Variants in CSMD1 observed in about 807,000 individuals in gnomAD.
CSMD1 encodes the protein CUB and sushi domain-containing protein 1.
CSMD1 carries 213 observed loss-of-function variants against 417.5 expected under a neutral mutation model. The ratio of observed to expected loss-of-function variants is 0.51; its 90% CI spans 0.46 to 0.57. CSMD1 has a LOEUF of 0.57. Ranked by LOEUF, CSMD1 falls within the 20% of genes least tolerant of loss-of-function variation. The pLI, the probability that CSMD1 is intolerant of heterozygous loss-of-function variation, is 0.00. For missense variants in CSMD1, 6,923 were observed against 4,529.7 expected (o/e 1.53, Z -15.17); for synonymous variants, 2,862 against 1,736.8 (o/e 1.65, Z -16.11).
At chr8:3,819,094 G>C (rs962847668) in intron 5 of CSMD1, among the ~76,000 whole-genome samples, 1 of 152,188 alleles carries the variant, frequency 6.6e-6, no homozygotes, top group Non-Finnish European at 1.5e-5. Flanking sequence ...GCAGAGTAGA[G>C]AGAAAAGTGT....
At chr8:4,609,019 A>C (rs1184188390) in intron 2 of CSMD1, among the ~76,000 whole-genome samples, 10 of 152,072 alleles carry the variant, frequency 6.6e-5, no homozygotes, top group South Asian at 2.1e-4. Context: ...GTAGAAAAAA[A>C]AAAAAAAAAC....
intron 18 of CSMD1, among the ~76,000 whole-genome samples, chr8:3,381,424 T>C (rs549080980): frequency 1.6e-4 from 25 of 152,338 alleles, no homozygotes; most frequent in Non-Finnish European, 2.5e-4. Context: ...AGTAAAATTA[T>C]TGATACAATT....
At chr8:3,640,775 C>T (rs536948835) in intron 7 of CSMD1, among the ~76,000 whole-genome samples, 3 of 152,126 alleles carry the variant, frequency 2.0e-5, no homozygotes, top group African/African-American at 4.8e-5. Flanking sequence ...TTCACAGCCC[C>T]TGTGTGGGGA....
intron 5 of CSMD1, among the ~76,000 whole-genome samples, chr8:3,827,274 T>A (rs1051458567): frequency 1.3e-5 from 2 of 152,164 alleles, no homozygotes; most frequent in Non-Finnish European, 1.5e-5. Context: ...ATCCTTGCAA[T>A]GTTACATTTG....
rs181220810 is a variant in CSMD1, at chr8:4,177,455, C to G, written c.416-145356G>C. ...AGTGTGTAGAGGGAAACTTATAGCA[C>G]TAAATGTCCACAAGAGAAAGTAGGA... On this transcript the variant is annotated intron_variant, in intron 3 of 69. Transcript: ENST00000635120. Among the ~76,000 whole-genome samples, 456 of 152,082 alleles carry G rather than the reference C, an allele frequency of 3.0e-3. 2 individuals are homozygous for G. The highest frequency in any genetic ancestry group is 6.9e-3 in the Admixed American group (106 of 15,282).
chr8:4,363,218 G>GA (rs1801876500), intron 3 of CSMD1, among the ~76,000 whole-genome samples: 1 of 152,172 alleles, frequency 6.6e-6, no homozygotes, highest in South Asian at 2.1e-4. Flanking sequence ...GATCTTCCAT[G>GA]ATGACCAAGG....
chr8:4,262,525 C>T (rs557331006), intron 3 of CSMD1, among the ~76,000 whole-genome samples: 1 of 152,308 alleles, frequency 6.6e-6, no homozygotes, highest in Admixed American at 6.5e-5. Context: ...AGTTTGAACT[C>T]AGCCTTTATG....
chr8:3,949,760 G>C (rs1283108887), intron 5 of CSMD1, among the ~76,000 whole-genome samples: 5 of 152,140 alleles, frequency 3.3e-5, no homozygotes, highest in Non-Finnish European at 5.9e-5. Flanking sequence ...TCTCCAAGAA[G>C]CGCACAAGAC....
At chr8:4,295,488 G>T (rs1041554436) in intron 3 of CSMD1, among the ~76,000 whole-genome samples, 3 of 138,344 alleles carry the variant, frequency 2.2e-5, no homozygotes, top group Admixed American at 7.4e-5. Flanking sequence ...ATAATCTTAA[G>T]ATTAAATATA....
At position 3,233,885 on chromosome 8, in the gene CSMD1, T is replaced by C. The variant is rs545245229; in HGVS notation, c.4154-3654A>G. Among the ~76,000 whole-genome samples the C allele has an allele frequency of 3.0e-4, 45 of 152,276 alleles. No individual in the cohort carries two copies. The South Asian group carries it at 9.3e-3, about 32-fold the overall frequency. On this transcript the variant is annotated intron_variant, in intron 26 of 69. Coordinates refer to ENST00000635120, the MANE Select transcript of CSMD1 (RefSeq NM_033225.6). Reference sequence around the variant, plus strand: ...CTTTTTTCAAAAATAAATTAACAGCTTGAGGCATTTTGGATCCCAGGGATG... The same window carrying C: ...CTTTTTTCAAAAATAAATTAACAGCCTGAGGCATTTTGGATCCCAGGGATG...
At chr8:4,167,766 G>A (rs1375175225) in intron 3 of CSMD1, among the ~76,000 whole-genome samples, 4 of 152,154 alleles carry the variant, frequency 2.6e-5, no homozygotes, top group South Asian at 4.1e-4. Flanking sequence ...AAGGCAGGAG[G>A]ATTGCTTGAG....
chr8:4,683,257 G>T (rs973346673), intron 1 of CSMD1, among the ~76,000 whole-genome samples: 2 of 151,960 alleles, frequency 1.3e-5, no homozygotes, highest in African/African-American at 4.8e-5. Flanking sequence ...TTTTCAGAAA[G>T]ATATGTTAAA....
At chr8:4,953,395 T>C (rs190938817) in intron 1 of CSMD1, among the ~76,000 whole-genome samples, 3 of 152,258 alleles carry the variant, frequency 2.0e-5, no homozygotes, top group African/African-American at 4.8e-5. Flanking sequence ...GATCAACACA[T>C]GTAATCAATA....
At chr8:3,549,041 G>A (rs931914498) in intron 10 of CSMD1, among the ~76,000 whole-genome samples, 9 of 152,038 alleles carry the variant, frequency 5.9e-5, no homozygotes, top group Admixed American at 2.6e-4. Flanking sequence ...CCTGCTCCTC[G>A]AAGCCATCCC....
chr8:4,374,105 T>A (rs545151344), intron 3 of CSMD1, among the ~76,000 whole-genome samples: 9 of 152,266 alleles, frequency 5.9e-5, no homozygotes, highest in South Asian at 2.1e-4. Context: ...AAGCATGGTT[T>A]TCACACCTGC....
chr8:4,940,306 T>C (rs1266516685), intron 1 of CSMD1, among the ~76,000 whole-genome samples: 2 of 152,218 alleles, frequency 1.3e-5, no homozygotes, highest in East Asian at 3.8e-4. Context: ...TGATATGGCT[T>C]CAATCTGAAT....
chr8:3,989,175 G>T (rs1455464427), intron 5 of CSMD1, among the ~76,000 whole-genome samples: 4 of 152,152 alleles, frequency 2.6e-5, no homozygotes, highest in South Asian at 2.1e-4. Context: ...CTGCTCATTT[G>T]CTCTAGTTAG....
intron 5 of CSMD1, among the ~76,000 whole-genome samples, chr8:3,990,751 G>T (rs912490925): frequency 5.9e-5 from 9 of 152,090 alleles, no homozygotes; most frequent in Non-Finnish European, 1.3e-4. Context: ...GAGTTGCAGG[G>T]GCACCTGCTG....
At chr8:3,607,699 A>C (rs548921701) in intron 8 of CSMD1, among the ~76,000 whole-genome samples, 14 of 152,352 alleles carry the variant, frequency 9.2e-5, no homozygotes, top group African/African-American at 3.4e-4. Context: ...CAAAAAGAAC[A>C]AAAAATTTTA....
Sources: allele counts gnomAD v4.1 joint callset (sites outside exome capture counted in the v4.1 genomes callset), GRCh38; gene constraint gnomAD v4.1.1; transcripts MANE v1.5; gene names NCBI Gene and HGNC (gene_info 2026-07-23, HGNC 2026-07-21).